WDR41: variants seen among roughly 807,000 people sequenced by gnomAD.
WDR41 encodes WD repeat domain 41.
In WDR41, 63 loss-of-function variants were observed where a neutral mutation model predicts 69.3. The observed-to-expected ratio is 0.91, with a 90% CI of 0.74 to 1.12. The LOEUF (loss-of-function observed/expected upper bound fraction) is 1.12, where lower values mean the gene tolerates loss of function less well. Ranked by LOEUF, WDR41 falls within the 50% of genes most tolerant of loss-of-function variation. The pLI is 0.00. For missense variants in WDR41, 543 were observed against 534.5 expected (o/e 1.02, Z -0.16); for synonymous variants, 185 against 192.1 (o/e 0.96, Z 0.31).
At chr5:77,560,089 G>C (rs114748916) in intron 1 of WDR41, among the ~76,000 whole-genome samples, 2 of 152,118 alleles carry the variant, frequency 1.3e-5, no homozygotes, top group Non-Finnish European at 2.9e-5. Flanking sequence ...TGATTGAAAG[G>C]CTTGCTCAAA....
intron 1 of WDR41, among the ~76,000 whole-genome samples, chr5:77,523,932 G>A (rs981056776): frequency 6.6e-6 from 1 of 152,050 alleles, no homozygotes; most frequent in Non-Finnish European, 1.5e-5. Context: ...AAAGAGAAAG[G>A]GAGCATCTAG....
intron 1 of WDR41, among the ~76,000 whole-genome samples, chr5:77,595,623 G>T (rs930333943): frequency 1.8e-4 from 27 of 152,304 alleles, no homozygotes; most frequent in African/African-American, 6.0e-4. Flanking sequence ...AGATAGGTAA[G>T]CCCAAATGTG....
chr5:77,542,529 A>G (rs1743110350), intron 1 of WDR41, among the ~76,000 whole-genome samples: 1 of 152,230 alleles, frequency 6.6e-6, no homozygotes, highest in Non-Finnish European at 1.5e-5. Flanking sequence ...GATTCTTATA[A>G]AATAAAAATG....
chr5:77,456,480 G>A (rs1360036933), intron 5 of WDR41, among the ~76,000 whole-genome samples: 1 of 152,106 alleles, frequency 6.6e-6, no homozygotes, highest in Non-Finnish European at 1.5e-5. Flanking sequence ...GTTTGGTTGT[G>A]GACTTAGGAT....
chr5:77,459,039 C>G (rs1466465853), intron 5 of WDR41, 23 bp downstream of exon 5: 1 of 1,530,894 alleles, frequency 6.5e-7, no homozygotes, highest in Non-Finnish European at 8.9e-7. Context: ...GTCATAAAAA[C>G]TCATATTTAC....
chr5:77,444,872 C>G (rs572825530), intron 8 of WDR41, among the ~76,000 whole-genome samples: 2 of 152,160 alleles, frequency 1.3e-5, no homozygotes, highest in South Asian at 4.2e-4. Context: ...ATTTTATAGT[C>G]ATAGAGTTTA....
chr5:77,617,916 T>C (rs1431049937), intron 1 of WDR41, among the ~76,000 whole-genome samples: 1 of 152,162 alleles, frequency 6.6e-6, no homozygotes, highest in Non-Finnish European at 1.5e-5. Context: ...GCTGAGGATA[T>C]GGAGGCTGAA....
intron 1 of WDR41, among the ~76,000 whole-genome samples, chr5:77,571,100 T>G (rs1743725297): frequency 6.6e-6 from 1 of 152,056 alleles, no homozygotes; most frequent in Non-Finnish European, 1.5e-5. Flanking sequence ...TAAATTGAAG[T>G]CAGTGTCAAT....
intron 2 of WDR41, among the ~76,000 whole-genome samples, chr5:77,475,349 G>T (rs1800859260): frequency 6.6e-6 from 1 of 152,212 alleles, no homozygotes; most frequent in African/African-American, 2.4e-5. Flanking sequence ...TGCCTCTGTA[G>T]GCTCCACCTC....
At chr5:77,509,989 C>T (rs1802173693) in intron 1 of WDR41, among the ~76,000 whole-genome samples, 1 of 152,148 alleles carries the variant, frequency 6.6e-6, no homozygotes, top group South Asian at 2.1e-4. Flanking sequence ...CCCCTCACAT[C>T]CATTGGCCAG....
intron 1 of WDR41, among the ~76,000 whole-genome samples, chr5:77,564,683 C>T (rs1301398445): frequency 6.6e-6 from 1 of 152,064 alleles, no homozygotes; most frequent in African/African-American, 2.4e-5. Context: ...TAAGCATAGC[C>T]ACTCTAATGG....
intron 1 of WDR41, among the ~76,000 whole-genome samples, chr5:77,583,633 A>G (rs920684613): frequency 1.3e-5 from 2 of 152,072 alleles, no homozygotes; most frequent in Admixed American, 6.6e-5. Context: ...ATTTTAAAAA[A>G]CTACCAACAG....
intron 1 of WDR41, among the ~76,000 whole-genome samples, chr5:77,553,223 G>A (rs544862834): frequency 6.6e-6 from 1 of 152,270 alleles, no homozygotes; most frequent in South Asian, 2.1e-4. Context: ...TCACAGCTCT[G>A]GAGGATGGGA....
chr5:77,551,092 G>C (rs1743287063), intron 1 of WDR41, among the ~76,000 whole-genome samples: 2 of 152,122 alleles, frequency 1.3e-5, no homozygotes, highest in East Asian at 1.9e-4. Context: ...AAAAGTACTA[G>C]GCTATTGAGT....
At chr5:77,451,402 T>C (rs1423244991) in intron 6 of WDR41, 49 bp from the exon 7 acceptor site, 9 of 1,554,402 alleles carry the variant, frequency 5.8e-6, no homozygotes, top group Admixed American at 1.7e-5. Context: ...TCACAGATTA[T>C]ATCAAAAACA....
intron 1 of WDR41, among the ~76,000 whole-genome samples, chr5:77,587,634 C>T (rs1028315165): frequency 2.0e-5 from 3 of 152,116 alleles, no homozygotes; most frequent in Non-Finnish European, 4.4e-5. Flanking sequence ...GAATTGTGTC[C>T]TCTCAAAATT....
intron 1 of WDR41, among the ~76,000 whole-genome samples, chr5:77,609,376 C>A (rs1744494651): frequency 6.6e-6 from 1 of 152,136 alleles, no homozygotes; most frequent in Non-Finnish European, 1.5e-5. Flanking sequence ...CGACCCCTGA[C>A]CCCTGAGCAG....
intron 2 of WDR41, among the ~76,000 whole-genome samples, chr5:77,484,458 T>C (rs1458327274): frequency 2.6e-5 from 4 of 152,126 alleles, no homozygotes; most frequent in Non-Finnish European, 5.9e-5. Flanking sequence ...TTTACTATAA[T>C]AAAGTTGTCT....
chr5:77,600,578 T>A (rs1450803282), intron 1 of WDR41, among the ~76,000 whole-genome samples: 1 of 152,180 alleles, frequency 6.6e-6, no homozygotes, highest in South Asian at 2.1e-4. Flanking sequence ...AATTTTACTA[T>A]GTAAAAATTT....
Sources: allele counts gnomAD v4.1 joint callset (sites outside exome capture counted in the v4.1 genomes callset), GRCh38; gene constraint gnomAD v4.1.1; transcripts MANE v1.5; gene names NCBI Gene and HGNC (gene_info 2026-07-23, HGNC 2026-07-21).